DNAH14: variants seen among roughly 807,000 people sequenced by gnomAD.
The protein encoded by DNAH14 is dynein axonemal heavy chain 14.
Under a neutral mutation model 520.9 loss-of-function variants are expected in DNAH14, and 478 were observed. The observed-to-expected ratio is 0.92, with a 90% CI of 0.85 to 0.99. The LOEUF (loss-of-function observed/expected upper bound fraction) is 0.99, where lower values mean the gene tolerates loss of function less well. Ranked by LOEUF, DNAH14 falls within the 50% of genes least tolerant of loss-of-function variation. The pLI is 0.00. For synonymous variants in DNAH14, 1,581 were observed against 1,757.2 expected, an observed-to-expected ratio of 0.90 and a Z score of 2.51; for missense variants, 4,831 against 5,234.5, an observed-to-expected ratio of 0.92 and a Z score of 2.38.
intron 8 of DNAH14, among the ~76,000 whole-genome samples, chr1:224,986,539 T>A (rs2062656938): frequency 6.6e-6 from 1 of 152,100 alleles, no homozygotes; most frequent in South Asian, 2.1e-4. Context: ...AAGCAATCAA[T>A]GTGAAACATT....
chr1:225,285,052 C>T (rs1053182255), intron 54 of DNAH14, among the ~76,000 whole-genome samples: 1 of 152,150 alleles, frequency 6.6e-6, no homozygotes, highest in Non-Finnish European at 1.5e-5. Context: ...AAATGCTTTT[C>T]CCCTAAGATT....
intron 17 of DNAH14, among the ~76,000 whole-genome samples, chr1:225,077,506 G>GA (rs2072448477): frequency 6.9e-6 from 1 of 143,900 alleles, no homozygotes; most frequent in Non-Finnish European, 1.6e-5. Flanking sequence ...AATTTTTTGG[G>GA]CATTTAATTA....
chr1:225,386,983 A>G (rs2095848467), intron 81 of DNAH14, among the ~76,000 whole-genome samples: 1 of 152,256 alleles, frequency 6.6e-6, no homozygotes. Flanking sequence ...ACTTGGAACC[A>G]ACCCAAATGT....
In DNAH14 at chr1:225,368,049, C is replaced by CA. The variant is rs113736143; in HGVS notation, c.12318+20dup. ...GACTTGGGGGTAAGTGTAGTCTCTTCAAACAAACAACAAATAAGTAACAAT... is the reference window on the plus strand; with the variant it reads ...GACTTGGGGGTAAGTGTAGTCTCTTCAAAACAAACAACAAATAAGTAACAAT... On this transcript the variant is annotated intron_variant, in intron 77 of 85. Transcript: ENST00000682510. The CA allele has an allele frequency of 3.1e-4, 472 of 1,514,646 alleles. 3 individuals are homozygous for CA. The African/African-American group carries it at 5.2e-3, about 17-fold the overall frequency. The allele number at this position is 1,514,646 out of a possible 1,614,324, so 93.8% of individuals were successfully genotyped here. A position where few individuals can be genotyped will look rare whatever the true frequency, so the allele number is the denominator to read the frequency against.
rs148281919 is a variant in DNAH14 at position 225,037,453 on chromosome 1, A to C, written c.1359-1241A>C. 5.2e-3 allele frequency among the ~76,000 whole-genome samples: 790 copies of C among 152,306 alleles called. 6 individuals are homozygous for C. The highest frequency in any genetic ancestry group is 6.9e-3 in the Non-Finnish European group (467 of 68,030). On this transcript the variant is annotated intron_variant, in intron 11 of 85. Coordinates refer to ENST00000682510, the MANE Select transcript of DNAH14 (RefSeq NM_001367479.1). The stretch of plus-strand genomic sequence containing the variant: ...TAATATAACCCATTATTTTAACCTC[A>C]GGACAACTTAATGTTGATTGTATAA...
rs1032858479 is a variant in DNAH14, at chr1:225,209,051, C to T, written c.6439+1831C>T. Among the ~76,000 whole-genome samples the T allele has an allele frequency of 3.3e-5, 5 of 152,036 alleles. 1 individual carries two copies. Among genetic ancestry groups the T allele is most frequent in the Admixed American group, 3.3e-4 (5 of 15,256 alleles). On this transcript the variant is annotated intron_variant, in intron 41 of 85. Transcript: ENST00000682510. ...TAATCATAGTTTTTTAAAAAAATTC[C>T]TGACTGATAATTTCAACATCTGGCC... is the stretch of plus-strand genomic sequence containing the variant.
intron 26 of DNAH14, among the ~76,000 whole-genome samples, 173 bp from the exon 27 acceptor site, chr1:225,123,354 A>T (rs1212479062): frequency 6.6e-6 from 1 of 152,216 alleles, no homozygotes; most frequent in Non-Finnish European, 1.5e-5. Flanking sequence ...AGGAGTATGC[A>T]TTATGCTTCG....
intron 46 of DNAH14, among the ~76,000 whole-genome samples, chr1:225,263,205 C>T (rs28647185): frequency 6.7e-6 from 1 of 150,050 alleles, no homozygotes; most frequent in East Asian, 1.9e-4. Flanking sequence ...TATATATACA[C>T]ACACATATAT....
intron 81 of DNAH14, among the ~76,000 whole-genome samples, chr1:225,387,554 A>G (rs1229668552): frequency 6.6e-6 from 1 of 152,158 alleles, no homozygotes; most frequent in Admixed American, 6.5e-5. Flanking sequence ...CACCAGCCTC[A>G]AGGGAGGGAA....
chr1:225,169,983 G>T (rs928124452), intron 36 of DNAH14, among the ~76,000 whole-genome samples: 4 of 152,154 alleles, frequency 2.6e-5, no homozygotes, highest in Non-Finnish European at 5.9e-5. Context: ...CTAAAGAAAA[G>T]AATTTTCAAC....
chr1:225,386,451 G>A (rs1458908756), intron 81 of DNAH14, among the ~76,000 whole-genome samples: 1 of 152,128 alleles, frequency 6.6e-6, no homozygotes, highest in Non-Finnish European at 1.5e-5. Context: ...GCAACCTACG[G>A]AATGGGAGAA....
chr1:225,368,309 C>CTG (rs1346573663), intron 77 of DNAH14, among the ~76,000 whole-genome samples: 2 of 152,162 alleles, frequency 1.3e-5, no homozygotes, highest in Non-Finnish European at 2.9e-5. Context: ...AGAAAGCAAA[C>CTG]TGAGGGAGAC....
chr1:225,053,736 T>A (rs1472892881), intron 17 of DNAH14, among the ~76,000 whole-genome samples: 1 of 152,174 alleles, frequency 6.6e-6, no homozygotes, highest in Non-Finnish European at 1.5e-5. Flanking sequence ...GGCAACAGGG[T>A]GGGCAGCAAT....
At chr1:225,256,095 T>A (rs1029920571) in intron 44 of DNAH14, among the ~76,000 whole-genome samples, 1 of 152,192 alleles carries the variant, frequency 6.6e-6, no homozygotes, top group East Asian at 1.9e-4. Flanking sequence ...TAAATTTTAA[T>A]TATTTGCAGA....
At chr1:225,156,296 T>C (rs888471998) in intron 34 of DNAH14, among the ~76,000 whole-genome samples, 1 of 152,192 alleles carries the variant, frequency 6.6e-6, no homozygotes, top group Admixed American at 6.5e-5. Context: ...GACAAAGTTG[T>C]GTCTTAAAAA....
At chr1:225,166,791 G>C (rs2082083372) in intron 35 of DNAH14, among the ~76,000 whole-genome samples, 1 of 152,124 alleles carries the variant, frequency 6.6e-6, no homozygotes, top group African/African-American at 2.4e-5. Context: ...CATTGAATAA[G>C]AACTACATAT....
At position 225,155,892 on chromosome 1, in the gene DNAH14, T is replaced by A. The variant is rs369894618; in HGVS notation, c.5273+2066T>A. On this transcript the variant is annotated intron_variant, in intron 34 of 85. Coordinates refer to ENST00000682510, the MANE Select transcript of DNAH14 (RefSeq NM_001367479.1). ...GAAGATGACTGTATTTTAAGAGGGTTGATGAATTTTTTGTTATCAGAGTAA... is the reference window on the plus strand; with the variant it reads ...GAAGATGACTGTATTTTAAGAGGGTAGATGAATTTTTTGTTATCAGAGTAA... Among the ~76,000 whole-genome samples, 136 of 152,320 alleles carry A rather than the reference T, an allele frequency of 8.9e-4. 1 individual carries two copies. The highest frequency in any genetic ancestry group is 3.1e-3 in the African/African-American group (129 of 41,570).
chr1:225,362,845 A>G (rs532396014), intron 75 of DNAH14, among the ~76,000 whole-genome samples: 1 of 152,332 alleles, frequency 6.6e-6, no homozygotes, highest in African/African-American at 2.4e-5. Flanking sequence ...TTCACAACAT[A>G]TTGCTAGGAG....
At position 225,306,784 on chromosome 1, in the gene DNAH14, T is replaced by C. The variant is rs185831263; in HGVS notation, c.9006-677T>C. ...GACAATCTTAAGAGCTATCACCTTA[T>C]ATGCATAATCATTATTATCAACATC... On this transcript the variant is annotated intron_variant, in intron 58 of 85. Transcript: ENST00000682510. Among the ~76,000 whole-genome samples the C allele has an allele frequency of 2.4e-4, 36 of 152,090 alleles. No homozygotes were observed. In the East Asian group the frequency reaches 7.0e-3, roughly 29 times the overall value.
Sources: gnomAD v4.1 joint callset for allele counts (sites outside exome capture counted in the v4.1 genomes callset) on GRCh38, gnomAD v4.1.1 for gene constraint, MANE v1.5 for transcripts, NCBI Gene and HGNC (gene_info 2026-07-23, HGNC 2026-07-21) for gene names.